Variants in CRYBG2 observed in about 807,000 individuals in gnomAD.
The protein encoded by CRYBG2 is beta/gamma crystallin domain-containing protein 2.
CRYBG2 carries 106 observed loss-of-function variants against 153.4 expected under a neutral mutation model. The observed-to-expected ratio is 0.69, with a 90% CI of 0.59 to 0.81. CRYBG2 has a LOEUF of 0.81. Among genes scored for constraint, CRYBG2 ranks in the 30% least tolerant of loss-of-function variants. CRYBG2 has a pLI of 0.00. For synonymous variants in CRYBG2, 851 were observed against 877.8 expected, an observed-to-expected ratio of 0.97 and a Z score of 0.54; for missense variants, 1,996 against 2,112.0, an observed-to-expected ratio of 0.95 and a Z score of 1.08.
chr1:26,345,821 C>G lies in CRYBG2; in HGVS notation c.837G>C (p.Glu279Asp), dbSNP rs368476588. ...TGTCTTTAAGCTCTGCTGTCCCGGT[C>G]TCAGGCAGCTGCCTCAAGGCTGCCC... ...TVGAALRQLP[E>D]TGTAELKDSS... Residue 279 changes from glutamate (E) to aspartate (D), a missense_variant, in exon 2 of 20, where the codon GAG becomes GAC. Transcript: ENST00000308182. 25 of 1,596,428 alleles carry G rather than the reference C, an allele frequency of 1.6e-5. No individual in the cohort carries two copies. Among genetic ancestry groups the G allele is most frequent in the East Asian group, 1.3e-4 (6 of 44,866 alleles).
At chr1:26,353,584 A>G (rs904638072) in intron 1 of CRYBG2, among the ~76,000 whole-genome samples, 2 of 152,124 alleles carry the variant, frequency 1.3e-5, no homozygotes, top group African/African-American at 4.8e-5. Flanking sequence ...CTGGAGTTCA[A>G]AGTATATTCC....
rs2074193964 is a variant in CRYBG2, at chr1:26,345,111, TGC to T, written c.1545_1546del (p.Gln516GlyfsTer23). 1 of 1,029,464 alleles carries T rather than the reference TGC, an allele frequency of 9.7e-7. No individual in the cohort carries two copies. The highest frequency in any genetic ancestry group is 1.7e-5 in the African/African-American group (1 of 58,988). The allele number at this position is 1,029,464 out of a possible 1,614,324, so 63.8% of individuals were successfully genotyped here. A position where few individuals can be genotyped will look rare whatever the true frequency, so the allele number is the denominator to read the frequency against. Reference sequence around the variant, plus strand: ...CAAGGCAGCAGGAGCACTGGACCCCTGCACCACCTCCTTCTGGGTGGGAGATG... The same window carrying T: ...CAAGGCAGCAGGAGCACTGGACCCCTACCACCTCCTTCTGGGTGGGAGATG... On this transcript the variant is annotated frameshift_variant, in exon 2 of 20. Transcript: ENST00000308182. LOFTEE classifies it high-confidence loss of function.
chr1:26,323,009 A>T (rs140240762), intron 18 of CRYBG2, among the ~76,000 whole-genome samples: 159 of 151,814 alleles, frequency 1.0e-3, no homozygotes, highest in African/African-American at 3.5e-3. Flanking sequence ...TCCCTCAGAT[A>T]TCTGCATGGC....
intron 1 of CRYBG2, among the ~76,000 whole-genome samples, chr1:26,352,658 C>T (rs1439586161): frequency 6.6e-6 from 1 of 151,914 alleles, no homozygotes; most frequent in African/African-American, 2.4e-5. Context: ...CTAAGTGAGC[C>T]CTAGCCTCCC....
chr1:26,351,160 G>T (rs955125655), intron 1 of CRYBG2, among the ~76,000 whole-genome samples: 3 of 152,100 alleles, frequency 2.0e-5, no homozygotes, highest in Admixed American at 2.0e-4. Context: ...AGACACCAAA[G>T]GCTCTGGATT....
In CRYBG2 at chr1:26,340,609, C is replaced by CT. The variant is rs897354899; in HGVS notation, c.3205-1181dup. The stretch of plus-strand genomic sequence containing the variant: ...TGGAGAGGCTTTGTTTTTTTTGTTG[C>CT]TTTTTTTGTTTTTGTTTTTTGAAAT... On this transcript the variant is annotated intron_variant, in intron 5 of 19. Transcript: ENST00000308182. Among the ~76,000 whole-genome samples the CT allele has an allele frequency of 9.6e-4, 145 of 151,680 alleles. 1 individual carries two copies. The highest frequency in any genetic ancestry group is 3.4e-3 in the African/African-American group (140 of 41,344).
chr1:26,337,820 C>G (rs895787459), intron 8 of CRYBG2, 146 bp from the exon 9 acceptor site: 1 of 1,332,800 alleles, frequency 7.5e-7, no homozygotes, highest in Non-Finnish European at 1.0e-6. Flanking sequence ...CAATTCCTAT[C>G]TCTACTCTGA....
Position 26,336,520 on chromosome 1 carries a change from C to T in CRYBG2, c.4038+86G>A, listed in dbSNP as rs1452368116. The T allele has an allele frequency of 1.5e-5, 23 of 1,544,048 alleles. No homozygotes were observed. Among genetic ancestry groups the T allele is most frequent in the East Asian group, 2.5e-5 (1 of 40,582 alleles). On this transcript the variant is annotated intron_variant, in intron 12 of 19. Coordinates refer to ENST00000308182, the MANE Select transcript of CRYBG2 (RefSeq NM_001039775.4). The surrounding 1 kb of genome is among the most constrained non-coding windows in gnomAD (Gnocchi z 4.9). ...CCAAGCGCCCAGGCAGGTCCTCCAG[C>T]CCGCTACCTCTGCGTGGGGGCGGGG...
At position 26,346,264 on chromosome 1, in the gene CRYBG2, G is replaced by C; in HGVS notation, c.394C>G (p.Pro132Ala). The change falls in exon 2 of 20, where the codon CCC (proline) becomes GCC (alanine). Residue 132 changes from proline (P) to alanine (A), a missense_variant. By Grantham distance (27) the Pro-to-Ala change is conservative. Coordinates refer to ENST00000308182, the MANE Select transcript of CRYBG2 (RefSeq NM_001039775.4). The surrounding 1 kb of genome is among the most constrained non-coding windows in gnomAD (Gnocchi z 4.9). The part of the protein sequence containing the change: ...DGSRQAPRTE[P>A]PCVGAMARTE... ...CTGGCCATAGCTCCCACACATGGGG[G>C]CTCAGTCCTGGGAGCTTGGCGGCTG... 6.3e-7 allele frequency: 1 copy of C among 1,588,056 alleles called. No individual in the cohort carries two copies. Among genetic ancestry groups the C allele is most frequent in the Middle Eastern group, 1.7e-4 (1 of 5,990 alleles).
Position 26,336,224 on chromosome 1 carries a change from G to A in CRYBG2, c.4072-17C>T, listed in dbSNP as rs906881252. The A allele has an allele frequency of 6.4e-7, 1 of 1,565,516 alleles. No individual in the cohort carries two copies. Among genetic ancestry groups the A allele is most frequent in the Non-Finnish European group, 8.7e-7 (1 of 1,153,076 alleles). On this transcript the variant is annotated splice_polypyrimidine_tract_variant and intron_variant, in intron 13 of 19. Transcript: ENST00000308182. This position sits in a 1 kb window ranked among gnomAD's most constrained non-coding sequence, Gnocchi z 4.9. Reference sequence around the variant, plus strand: ...AAGCTGAATCTGGAGGCAGAGAGGGGAGATGAGGGGAAGGAGGACGATGGA... The same window carrying A: ...AAGCTGAATCTGGAGGCAGAGAGGGAAGATGAGGGGAAGGAGGACGATGGA...
chr1:26,350,846 AC>A (rs1369055467), intron 1 of CRYBG2, among the ~76,000 whole-genome samples: 1 of 151,304 alleles, frequency 6.6e-6, no homozygotes, highest in Non-Finnish European at 1.5e-5. Flanking sequence ...AAGAGACCTG[AC>A]TCTGGGCAGG....
chr1:26,328,102 G>T, intron 17 of CRYBG2, 107 bp downstream of exon 17: 1 of 1,430,620 alleles, frequency 7.0e-7, no homozygotes. Context: ...TGTGACAAAA[G>T]TACACAAATG....
In CRYBG2 at chr1:26,345,956, G is replaced by C; in HGVS notation, c.702C>G (p.Ala234=). The C allele has an allele frequency of 6.3e-7, 1 of 1,594,548 alleles. No homozygotes were observed. Among genetic ancestry groups the C allele is most frequent in the Admixed American group, 1.7e-5 (1 of 59,828 alleles). ...GCACGAGGTTACTTAGCACTTTCAC[G>C]GCCTGGCTGCGGCTGGGCGAGCCTG... The part of the protein sequence containing the change: ...SPPGSPSRSQ[A]VKVLSNLVPA... Residue 234 remains alanine (A), a synonymous_variant, in exon 2 of 20, where the codon GCC becomes GCG. Coordinates refer to ENST00000308182, the MANE Select transcript of CRYBG2 (RefSeq NM_001039775.4).
intron 15 of CRYBG2, among the ~76,000 whole-genome samples, chr1:26,330,684 G>A (rs563558442): frequency 2.8e-4 from 43 of 151,702 alleles, no homozygotes; most frequent in Middle Eastern, 3.4e-3. Flanking sequence ...GATTACAGAC[G>A]TGCACCACCA....
intron 14 of CRYBG2, among the ~76,000 whole-genome samples, chr1:26,334,090 GA>G (rs947867026): frequency 1.5e-4 from 23 of 152,172 alleles, no homozygotes; most frequent in African/African-American, 5.5e-4. Flanking sequence ...TTACAGGCAT[GA>G]GCCACTGTGC....
At chr1:26,351,387 C>CTCAT (rs1329744329) in intron 1 of CRYBG2, among the ~76,000 whole-genome samples, 3 of 152,300 alleles carry the variant, frequency 2.0e-5, no homozygotes, top group Non-Finnish European at 2.9e-5. Context: ...TGAGCTCTAA[C>CTCAT]TCATTCATTC....
chr1:26,335,195 C>G (rs1339951793), intron 14 of CRYBG2, among the ~76,000 whole-genome samples: 1 of 150,810 alleles, frequency 6.6e-6, no homozygotes, highest in Non-Finnish European at 1.5e-5. Flanking sequence ...CTACTGGGGT[C>G]GCCGGGCGCA....
rs567996032 is a variant in CRYBG2 at position 26,345,339 on chromosome 1, G to A, written c.1319C>T (p.Ser440Leu). The A allele has an allele frequency of 2.0e-5, 32 of 1,613,400 alleles. No individual in the cohort carries two copies. The highest frequency in any genetic ancestry group is 4.4e-5 in the South Asian group (4 of 91,082). Residue 440 changes from serine (S) to leucine (L), a missense_variant, in exon 2 of 20, where the codon TCG becomes TTG. By Grantham distance (145) the Ser-to-Leu change is moderately radical. Transcript: ENST00000308182. ...VPSPGGLSAP[S>L]SPRNKFVQNS... ...CTGAACAAACTTATTCCTTGGGGAC[G>A]ATGGAGCAGAAAGACCTCCTGGGCT... is the stretch of plus-strand genomic sequence containing the variant.
intron 15 of CRYBG2, among the ~76,000 whole-genome samples, chr1:26,329,415 G>A (rs1214612420): frequency 2.0e-5 from 3 of 151,392 alleles, no homozygotes; most frequent in South Asian, 4.2e-4. Flanking sequence ...GACCTCAGGC[G>A]ATCTGCCTCC....
Sources: gnomAD v4.1 joint callset for allele counts (sites outside exome capture counted in the v4.1 genomes callset) on GRCh38, gnomAD v4.1.1 for gene constraint, Gnocchi (gnomAD v3.1) non-coding constraint, MANE v1.5 for transcripts, NCBI Gene and HGNC (gene_info 2026-07-23, HGNC 2026-07-21) for gene names.